SAMD5: variants seen among roughly 807,000 people sequenced by gnomAD.
SAMD5 encodes sterile alpha motif domain containing 5, also known as sterile alpha motif domain-containing protein 5.
Under a neutral mutation model 11.3 loss-of-function variants are expected in SAMD5, and 13 were observed. The observed-to-expected ratio is 1.15, with a 90% CI of 0.75 to 1.83. The LOEUF (loss-of-function observed/expected upper bound fraction) is 1.83. SAMD5 is among the 40% of genes most tolerant of loss of function. The pLI is 0.00. For synonymous variants in SAMD5, 129 were observed against 111.3 expected, an observed-to-expected ratio of 1.16 and a Z score of -1.00; for missense variants, 255 against 239.1, an observed-to-expected ratio of 1.07 and a Z score of -0.44.
At chr6:147,538,948 C>T (rs140461215) in intron 1 of SAMD5, among the ~76,000 whole-genome samples, 310 of 152,198 alleles carry the variant, frequency 2.0e-3, no homozygotes, top group African/African-American at 7.1e-3. Flanking sequence ...ACATCACCCA[C>T]ACACACAACA....
the SAMD5 span, among the ~76,000 whole-genome samples, chr6:147,923,794 G>T: frequency 6.6e-6 from 1 of 152,216 alleles, no homozygotes; most frequent in Non-Finnish European, 1.5e-5. Context: ...CTGGGCCCCT[G>T]ATGGGAGGGG....
chr6:147,727,890 G>C (rs992350555), intron 1 of SAMD5, among the ~76,000 whole-genome samples: 2 of 152,098 alleles, frequency 1.3e-5, no homozygotes, highest in African/African-American at 4.8e-5. Context: ...ATATAATAGG[G>C]AATCAATGCA....
At chr6:147,620,513 A>G (rs1186125981) in intron 1 of SAMD5, among the ~76,000 whole-genome samples, 1 of 152,250 alleles carries the variant, frequency 6.6e-6, no homozygotes, top group African/African-American at 2.4e-5. Flanking sequence ...TACAGCAGTG[A>G]AGGAGATAAG....
intron 1 of SAMD5, among the ~76,000 whole-genome samples, chr6:147,560,055 A>C (rs2128444024): frequency 6.6e-6 from 1 of 152,320 alleles, no homozygotes; most frequent in African/African-American, 2.4e-5. Context: ...TCCAATAGGA[A>C]CTTAGTTTAG....
intron 1 of SAMD5, among the ~76,000 whole-genome samples, chr6:147,581,270 A>G (rs1336131427): frequency 6.6e-6 from 1 of 152,158 alleles, no homozygotes; most frequent in Non-Finnish European, 1.5e-5. Flanking sequence ...CAAGGGGGAT[A>G]ATGGGCTCCC....
intron 1 of SAMD5, among the ~76,000 whole-genome samples, chr6:147,727,924 G>C (rs1191206088): frequency 1.3e-5 from 2 of 152,174 alleles, no homozygotes; most frequent in Admixed American, 1.3e-4. Context: ...TGGTTAAATA[G>C]AAGTACAGAA....
chr6:147,863,842 T>C, the SAMD5 span, among the ~76,000 whole-genome samples: 20 of 143,886 alleles, frequency 1.4e-4, no homozygotes, highest in Non-Finnish European at 2.3e-4. Context: ...TTTCCACTTT[T>C]TTTTTTTTTT....
intron 1 of SAMD5, among the ~76,000 whole-genome samples, chr6:147,640,973 G>A (rs1311769): frequency 0.051 from 7,801 of 152,124 alleles, 248 homozygotes; most frequent in East Asian, 0.11. Flanking sequence ...TTGAAAATTC[G>A]CTAGACTCTT....
At chr6:147,649,025 G>A (rs1227283627) in intron 1 of SAMD5, among the ~76,000 whole-genome samples, 2 of 152,112 alleles carry the variant, frequency 1.3e-5, no homozygotes, top group African/African-American at 4.8e-5. Flanking sequence ...TTTTTTAGAT[G>A]ACCTCTGTTG....
intron 1 of SAMD5, among the ~76,000 whole-genome samples, chr6:147,605,638 T>C (rs1202437879): frequency 2.6e-5 from 4 of 152,206 alleles, no homozygotes; most frequent in Non-Finnish European, 4.4e-5. Flanking sequence ...TTAAAACCTA[T>C]TGAAATTCCA....
chr6:147,915,523 A>C, the SAMD5 span, among the ~76,000 whole-genome samples: 1 of 152,308 alleles, frequency 6.6e-6, no homozygotes, highest in South Asian at 2.1e-4. Context: ...TCCTCATTAG[A>C]GAAACAAGAA....
the SAMD5 span, among the ~76,000 whole-genome samples, chr6:147,891,952 T>G: frequency 6.6e-6 from 1 of 152,166 alleles, no homozygotes; most frequent in Non-Finnish European, 1.5e-5. Context: ...GATGGTTTGC[T>G]TAAGCAAGAA....
At chr6:147,806,356 A>G in the SAMD5 span, among the ~76,000 whole-genome samples, 1 of 152,134 alleles carries the variant, frequency 6.6e-6, no homozygotes, top group South Asian at 2.1e-4. Flanking sequence ...ATTTGCTGCT[A>G]CTTCCAGTCA....
At chr6:147,562,896 A>T (rs1788976811) in intron 1 of SAMD5, among the ~76,000 whole-genome samples, 1 of 152,172 alleles carries the variant, frequency 6.6e-6, no homozygotes, top group Non-Finnish European at 1.5e-5. Context: ...TTCTCTATGG[A>T]ATTTTCCCTC....
intron 1 of SAMD5, among the ~76,000 whole-genome samples, chr6:147,645,965 T>C (rs1388182784): frequency 6.6e-6 from 1 of 152,100 alleles, no homozygotes; most frequent in Non-Finnish European, 1.5e-5. Flanking sequence ...TCAAGTTCTG[T>C]GTCAACTGTT....
chr6:147,722,927 G>T (rs550896954), intron 1 of SAMD5, among the ~76,000 whole-genome samples: 5 of 152,152 alleles, frequency 3.3e-5, no homozygotes, highest in Non-Finnish European at 7.3e-5. Flanking sequence ...CTTGGACTTC[G>T]AATTCTTCCA....
the SAMD5 span, among the ~76,000 whole-genome samples, chr6:147,792,911 A>G: frequency 6.6e-6 from 1 of 152,232 alleles, no homozygotes; most frequent in Admixed American, 6.5e-5. Flanking sequence ...TTGTGATTCC[A>G]TACTGACATA....
chr6:147,665,282 G>T (rs150053797), intron 1 of SAMD5, among the ~76,000 whole-genome samples: 1 of 152,286 alleles, frequency 6.6e-6, no homozygotes, highest in East Asian at 1.9e-4. Context: ...ATCCTACGAG[G>T]TATCCTATCA....
chr6:147,909,081 C>T, the SAMD5 span, among the ~76,000 whole-genome samples: 5 of 152,146 alleles, frequency 3.3e-5, no homozygotes. Context: ...TGGTGGTGTG[C>T]ACCTGCAGTC....
Sources: gnomAD v4.1 joint callset for allele counts (sites outside exome capture counted in the v4.1 genomes callset) on GRCh38, gnomAD v4.1.1 for gene constraint, MANE v1.5 for transcripts, NCBI Gene and HGNC (gene_info 2026-07-23, HGNC 2026-07-21) for gene names.